Variants in KCNN2 observed in about 807,000 individuals in gnomAD.
KCNN2 encodes small conductance calcium-activated potassium channel protein 2.
KCNN2 carries 24 observed loss-of-function variants against 55.5 expected under a neutral mutation model. The ratio of observed to expected loss-of-function variants is 0.43; its 90% CI spans 0.31 to 0.61. KCNN2 has a LOEUF of 0.61. Ranked by LOEUF, KCNN2 falls within the 20% of genes least tolerant of loss-of-function variation. KCNN2 has a pLI of 0.08. For synonymous variants in KCNN2, 431 were observed against 336.1 expected (o/e 1.28, Z -3.09); for missense variants, 754 against 853.6 (o/e 0.88, Z 1.45).
intron 1 of KCNN2, among the ~76,000 whole-genome samples, chr5:114,147,049 G>A (rs1752412761): frequency 6.6e-6 from 1 of 152,162 alleles, no homozygotes; most frequent in Non-Finnish European, 1.5e-5. Flanking sequence ...TCAAAATCTT[G>A]TAATGCAGAG....
At chr5:114,405,946 G>A (rs1758918065) in intron 3 of KCNN2, among the ~76,000 whole-genome samples, 1 of 151,594 alleles carries the variant, frequency 6.6e-6, no homozygotes, top group African/African-American at 2.4e-5. Context: ...TCCTGACCTC[G>A]TGATCTGCCT....
intron 1 of KCNN2, among the ~76,000 whole-genome samples, chr5:114,196,884 T>A (rs1480373011): frequency 1.3e-5 from 2 of 151,994 alleles, no homozygotes; most frequent in Admixed American, 1.3e-4. Flanking sequence ...TCTGCTTGCT[T>A]TATGTTTATT....
chr5:114,346,928 A>G (rs530679075), intron 2 of KCNN2, among the ~76,000 whole-genome samples: 2 of 152,226 alleles, frequency 1.3e-5, no homozygotes, highest in Non-Finnish European at 2.9e-5. Context: ...CACAGGGGCC[A>G]ACCTGAAGGA....
intron 3 of KCNN2, among the ~76,000 whole-genome samples, chr5:114,410,207 T>A (rs1286487034): frequency 3.3e-5 from 5 of 152,134 alleles, no homozygotes; most frequent in Non-Finnish European, 7.4e-5. Context: ...GAGCTTGGGG[T>A]CCTGAAGATT....
At chr5:114,317,959 G>A (rs1756532759) in intron 2 of KCNN2, among the ~76,000 whole-genome samples, 1 of 152,198 alleles carries the variant, frequency 6.6e-6, no homozygotes, top group African/African-American at 2.4e-5. Flanking sequence ...CTGGGAGGGG[G>A]CAGGGATAAT....
At chr5:114,435,386 T>G (rs1310518775) in intron 3 of KCNN2, among the ~76,000 whole-genome samples, 2 of 152,184 alleles carry the variant, frequency 1.3e-5, no homozygotes, top group African/African-American at 4.8e-5. Flanking sequence ...TTGTTGGTTT[T>G]TAGTTTGTCA....
intron 2 of KCNN2, among the ~76,000 whole-genome samples, chr5:114,245,836 C>T (rs1478241714): frequency 2.0e-5 from 3 of 152,314 alleles, no homozygotes; most frequent in South Asian, 2.1e-4. Context: ...GTGGACATAT[C>T]TTATGTGCTA....
chr5:114,471,788 G>A (rs1361228330), intron 4 of KCNN2, among the ~76,000 whole-genome samples: 2 of 152,130 alleles, frequency 1.3e-5, no homozygotes, highest in African/African-American at 2.4e-5. Flanking sequence ...TATTAAAGCA[G>A]TATTGGCTCA....
intron 2 of KCNN2, among the ~76,000 whole-genome samples, chr5:114,277,983 C>A (rs1181859793): frequency 6.6e-6 from 1 of 151,462 alleles, no homozygotes; most frequent in South Asian, 2.1e-4. Flanking sequence ...GTTTTATCTA[C>A]CTTTGGTCTT....
chr5:114,436,151 T>C (rs929762705), intron 3 of KCNN2, among the ~76,000 whole-genome samples: 11 of 152,374 alleles, frequency 7.2e-5, no homozygotes, highest in South Asian at 2.1e-4. Flanking sequence ...TAGGTCATCA[T>C]CACCCTGCAT....
chr5:114,265,833 G>C (rs1007246352), intron 2 of KCNN2, among the ~76,000 whole-genome samples: 1 of 152,090 alleles, frequency 6.6e-6, no homozygotes, highest in African/African-American at 2.4e-5. Flanking sequence ...ACTGGTGTTT[G>C]TTGACTACTC....
At chr5:114,430,253 A>G (rs1292400074) in intron 3 of KCNN2, among the ~76,000 whole-genome samples, 3 of 152,200 alleles carry the variant, frequency 2.0e-5, no homozygotes, top group East Asian at 1.9e-4. Context: ...TTTTCTGTCT[A>G]TGAACATAGA....
intron 2 of KCNN2, among the ~76,000 whole-genome samples, chr5:114,234,780 C>A (rs181585413): frequency 6.6e-6 from 1 of 152,222 alleles, no homozygotes; most frequent in Non-Finnish European, 1.5e-5. Context: ...TGGCTGCCAA[C>A]TAGAGAGTTG....
chr5:114,062,660 A>G (rs1750357105), intron 1 of KCNN2, among the ~76,000 whole-genome samples: 1 of 152,178 alleles, frequency 6.6e-6, no homozygotes, highest in Non-Finnish European at 1.5e-5. Context: ...AAAAAGTCTC[A>G]ATTACGGTGT....
intron 1 of KCNN2, among the ~76,000 whole-genome samples, chr5:114,087,627 G>C (rs894020464): frequency 2.0e-5 from 3 of 151,832 alleles, no homozygotes; most frequent in African/African-American, 7.3e-5. Flanking sequence ...TCTTTGATAT[G>C]GTTGTGTTTA....
intron 1 of KCNN2, among the ~76,000 whole-genome samples, chr5:114,128,108 A>G (rs1440539832): frequency 6.6e-6 from 1 of 152,082 alleles, no homozygotes; most frequent in Non-Finnish European, 1.5e-5. Context: ...CCAGTTCTAA[A>G]GTTGCTTCCA....
chr5:114,425,778 A>G (rs1356347550), intron 3 of KCNN2, among the ~76,000 whole-genome samples: 1 of 152,112 alleles, frequency 6.6e-6, no homozygotes, highest in Non-Finnish European at 1.5e-5. Flanking sequence ...ATTAAGGGAA[A>G]ATAGATTGTC....
At chr5:114,395,610 T>A (rs1192288122) in intron 2 of KCNN2, among the ~76,000 whole-genome samples, 2 of 152,220 alleles carry the variant, frequency 1.3e-5, no homozygotes, top group Admixed American at 1.3e-4. Flanking sequence ...ATGAGAATAG[T>A]TCTACGGTTA....
intron 2 of KCNN2, among the ~76,000 whole-genome samples, chr5:114,282,506 A>T (rs1755644059): frequency 6.6e-6 from 1 of 152,236 alleles, no homozygotes; most frequent in East Asian, 1.9e-4. Flanking sequence ...TCTTTTATTT[A>T]TAACAATTTT....
Sources: allele counts gnomAD v4.1 joint callset (sites outside exome capture counted in the v4.1 genomes callset), GRCh38; gene constraint gnomAD v4.1.1; transcripts MANE v1.5; gene names NCBI Gene and HGNC (gene_info 2026-07-23, HGNC 2026-07-21).